Variants in SV2C observed in about 807,000 individuals in gnomAD.
SV2C encodes synaptic vesicle glycoprotein 2C.
Under a neutral mutation model 79.7 loss-of-function variants are expected in SV2C, and 49 were observed. The observed-to-expected ratio is 0.61, with a 90% confidence interval of 0.49 to 0.78. The LOEUF (loss-of-function observed/expected upper bound fraction) is 0.78. SV2C is among the 30% of genes least tolerant of loss of function. The pLI is 0.00. For missense variants in SV2C, 833 were observed against 912.9 expected (o/e 0.91, Z 1.13); for synonymous variants, 334 against 333.2 (o/e 1.00, Z -0.03).
intron 12 of SV2C, among the ~76,000 whole-genome samples, chr5:76,324,806 TCATTGTAC>T (rs1748938968): frequency 6.6e-6 from 1 of 152,092 alleles, no homozygotes; most frequent in Non-Finnish European, 1.5e-5. Context: ...CAGTGAGTTA[TCATTGTAC>T]CAGTGTACTC....
the SV2C span, among the ~76,000 whole-genome samples, chr5:75,987,557 A>G: frequency 6.6e-6 from 1 of 151,986 alleles, no homozygotes; most frequent in Non-Finnish European, 1.5e-5. Context: ...ATTTCTTCTT[A>G]TGTGAAGAAA....
chr5:76,055,502 A>T, the SV2C span, among the ~76,000 whole-genome samples: 1 of 152,154 alleles, frequency 6.6e-6, no homozygotes, highest in Non-Finnish European at 1.5e-5. Context: ...GTTCCATATA[A>T]AATTTAAAGT....
At chr5:75,955,603 C>G in the SV2C span, among the ~76,000 whole-genome samples, 1 of 146,278 alleles carries the variant, frequency 6.8e-6, no homozygotes, top group Admixed American at 6.8e-5. Context: ...TCAGAGTGAA[C>G]AGGCAACCTA....
At chr5:75,848,697 T>G in the SV2C span, among the ~76,000 whole-genome samples, 2 of 151,782 alleles carry the variant, frequency 1.3e-5, no homozygotes, top group Non-Finnish European at 1.5e-5. Context: ...ATAGGAGGGG[T>G]TGGGGGGTGT....
chr5:76,046,454 C>T, the SV2C span, among the ~76,000 whole-genome samples: 1 of 152,298 alleles, frequency 6.6e-6, no homozygotes, highest in South Asian at 2.1e-4. Context: ...CAAGAGAGAA[C>T]TCAGAATACA....
intron 1 of SV2C, among the ~76,000 whole-genome samples, chr5:76,093,160 GA>G (rs1450478630): frequency 6.6e-6 from 1 of 152,054 alleles, no homozygotes; most frequent in Non-Finnish European, 1.5e-5. Flanking sequence ...AGCACCCATC[GA>G]AAATCAGAAA....
upstream of SV2C, among the ~76,000 whole-genome samples, chr5:76,080,271 G>A (rs1746965157): frequency 6.6e-6 from 1 of 152,176 alleles, no homozygotes; most frequent in Non-Finnish European, 1.5e-5. Flanking sequence ...AGTTTTGAGT[G>A]TTGTGGAAGC....
At chr5:76,281,472 C>A (rs62361443) in intron 4 of SV2C, among the ~76,000 whole-genome samples, 20,431 of 151,578 alleles carry the variant, frequency 0.13, 1,716 homozygotes, top group Non-Finnish European at 0.19. Flanking sequence ...CTTCTATCAG[C>A]CAAGTTAGCA....
At chr5:75,912,024 CGGA>C in the SV2C span, among the ~76,000 whole-genome samples, 1 of 152,042 alleles carries the variant, frequency 6.6e-6, no homozygotes, top group African/African-American at 2.4e-5. Context: ...TTAATGGAGG[CGGA>C]GGAGAAGACT....
the SV2C span, among the ~76,000 whole-genome samples, chr5:75,860,000 C>A: frequency 6.6e-6 from 1 of 152,156 alleles, no homozygotes; most frequent in African/African-American, 2.4e-5. Context: ...CTCCGAAGCT[C>A]CGGTCCCCTA....
At chr5:76,113,425 T>C (rs890460774) in intron 1 of SV2C, among the ~76,000 whole-genome samples, 2 of 152,180 alleles carry the variant, frequency 1.3e-5, no homozygotes, top group African/African-American at 4.8e-5. Context: ...GAAGAATGAG[T>C]AAATGAATGA....
chr5:75,953,482 A>G, the SV2C span, among the ~76,000 whole-genome samples: 7 of 152,172 alleles, frequency 4.6e-5, no homozygotes, highest in South Asian at 1.4e-3. Context: ...TACGTAGTAG[A>G]TGTTTCAGGA....
Position 76,131,685 on chromosome 5 carries a change from A to T in SV2C, c.-66A>T. 1 of 1,396,222 alleles carries T rather than the reference A, an allele frequency of 7.2e-7. No individual in the cohort carries two copies. The highest frequency in any genetic ancestry group is 9.8e-7 in the Non-Finnish European group (1 of 1,019,874). 86.5% of individuals were successfully genotyped at this position (1,396,222 alleles called of 1,614,324 possible). Reference sequence around the variant, plus strand: ...AACCCAAAGTGGATGATGCTGTCAGAGCTGAACCACTGAAAGGAGGCTGTG... The same window carrying T: ...AACCCAAAGTGGATGATGCTGTCAGTGCTGAACCACTGAAAGGAGGCTGTG... On this transcript the variant is annotated 5_prime_UTR_variant, in exon 2 of 13. Coordinates refer to ENST00000502798, the MANE Select transcript of SV2C (RefSeq NM_014979.4).
intron 2 of SV2C, among the ~76,000 whole-genome samples, chr5:76,194,255 C>T (rs1744198896): frequency 6.6e-6 from 1 of 152,188 alleles, no homozygotes; most frequent in Non-Finnish European, 1.5e-5. Flanking sequence ...TCTATAAAAG[C>T]TCACTTTCTG....
chr5:75,952,264 T>TTCCG, the SV2C span, among the ~76,000 whole-genome samples: 1 of 125,048 alleles, frequency 8.0e-6, no homozygotes, highest in East Asian at 2.0e-4. Context: ...CCTTCCTTCC[T>TTCCG]TCCTTCCTTC....
At chr5:75,982,550 T>C in the SV2C span, among the ~76,000 whole-genome samples, 1 of 152,134 alleles carries the variant, frequency 6.6e-6, no homozygotes, top group Non-Finnish European at 1.5e-5. Context: ...TGGAAGACAA[T>C]ATAGTGATTC....
At chr5:75,877,916 A>T in the SV2C span, among the ~76,000 whole-genome samples, 1 of 151,072 alleles carries the variant, frequency 6.6e-6, no homozygotes, top group South Asian at 2.1e-4. Context: ...ACATACCAAA[A>T]CTTATCGAAT....
intron 2 of SV2C, among the ~76,000 whole-genome samples, chr5:76,156,398 C>T (rs1004859677): frequency 2.0e-5 from 3 of 152,094 alleles, no homozygotes; most frequent in African/African-American, 7.2e-5. Flanking sequence ...AAACAAATCA[C>T]AATAGCAATC....
chr5:76,020,714 C>T, the SV2C span, among the ~76,000 whole-genome samples: 1 of 152,146 alleles, frequency 6.6e-6, no homozygotes, highest in Non-Finnish European at 1.5e-5. Flanking sequence ...GCCTGCCTTG[C>T]AAGTGGGCAC....
Sources: gnomAD v4.1 joint callset for allele counts (sites outside exome capture counted in the v4.1 genomes callset) on GRCh38, gnomAD v4.1.1 for gene constraint, MANE v1.5 for transcripts, NCBI Gene and HGNC (gene_info 2026-07-23, HGNC 2026-07-21) for gene names.